Variants in KCNG2 observed in about 807,000 individuals in gnomAD.
The protein encoded by KCNG2 is voltage-gated potassium channel regulatory subunit KCNG2.
KCNG2 carries 7 observed loss-of-function variants against 12.3 expected under a neutral mutation model. The ratio of observed to expected loss-of-function variants is 0.57; its 90% CI spans 0.32 to 1.07. The LOEUF (loss-of-function observed/expected upper bound fraction) is 1.07. Among genes scored for constraint, KCNG2 ranks in the 50% least tolerant of loss-of-function variants. The pLI is 0.04. For missense variants in KCNG2, 703 were observed against 726.0 expected (o/e 0.97, Z 0.36); for synonymous variants, 414 against 351.4 (o/e 1.18, Z -1.99).
At chr18:79,828,854 CTG>C (rs902613272) in intron 1 of KCNG2, among the ~76,000 whole-genome samples, 4 of 115,536 alleles carry the variant, frequency 3.5e-5, no homozygotes, top group African/African-American at 1.5e-4. Context: ...GTGCATGTGT[CTG>C]TGTGTGGGTG....
At chr18:79,865,291 T>G (rs867101647) in intron 3 of KCNG2, among the ~76,000 whole-genome samples, 45 of 106,482 alleles carry the variant, frequency 4.2e-4, no homozygotes, top group Middle Eastern at 7.2e-3. Flanking sequence ...GAGAGGTCTG[T>G]GTGCTGAGGT....
chr18:79,899,851 C>A lies in KCNG2; in HGVS notation c.*35C>A. 7.6e-7 allele frequency: 1 copy of A among 1,308,350 alleles called. No individual in the cohort carries two copies. The highest frequency in any genetic ancestry group is 2.2e-5 in the South Asian group (1 of 45,532). 81.0% of individuals were successfully genotyped at this position (1,308,350 alleles called of 1,614,324 possible). On this transcript the variant is annotated 3_prime_UTR_variant, in exon 4 of 4. Transcript: ENST00000316249. Reference sequence around the variant, plus strand: ...CGCCCACACGGAGACCCCCTGCCCCCTCCAGCTGCAGCGTCGGGACCCCCG... The same window carrying A: ...CGCCCACACGGAGACCCCCTGCCCCATCCAGCTGCAGCGTCGGGACCCCCG...
intron 2 of KCNG2, among the ~76,000 whole-genome samples, chr18:79,859,136 T>C (rs1301234572): frequency 6.6e-6 from 1 of 152,250 alleles, no homozygotes; most frequent in African/African-American, 2.4e-5. Flanking sequence ...CAGAAACCAA[T>C]GTCTCATCCA....
At chr18:79,812,688 T>A (rs2087500586) in intron 1 of KCNG2, among the ~76,000 whole-genome samples, 1 of 151,660 alleles carries the variant, frequency 6.6e-6, no homozygotes, top group African/African-American at 2.4e-5. Context: ...TGGCAAAACC[T>A]CATCTTTACT....
intron 3 of KCNG2, among the ~76,000 whole-genome samples, chr18:79,878,340 C>T (rs1397014809): frequency 1.4e-5 from 2 of 138,438 alleles, no homozygotes; most frequent in Non-Finnish European, 3.1e-5. Context: ...CTGATGCCCA[C>T]GTGGCAGTGT....
chr18:79,824,463 G>A (rs941544524), intron 1 of KCNG2, among the ~76,000 whole-genome samples: 10 of 152,148 alleles, frequency 6.6e-5, no homozygotes, highest in African/African-American at 7.2e-5. Context: ...AAAGAGAGAC[G>A]GTTTCACCCC....
chr18:79,860,845 A>C (rs1979187697), intron 2 of KCNG2, among the ~76,000 whole-genome samples: 1 of 152,094 alleles, frequency 6.6e-6, no homozygotes. Flanking sequence ...TTTCCAGTTC[A>C]ATGTTAAGTA....
chr18:79,857,254 C>G (rs1979048721), intron 2 of KCNG2, among the ~76,000 whole-genome samples: 1 of 150,092 alleles, frequency 6.7e-6, no homozygotes, highest in Non-Finnish European at 1.5e-5. Flanking sequence ...CCACGTCCCC[C>G]CTCTTCTCAT....
intron 3 of KCNG2, among the ~76,000 whole-genome samples, chr18:79,866,664 G>A (rs1302638415): frequency 4.7e-5 from 3 of 63,576 alleles, no homozygotes; most frequent in African/African-American, 1.1e-4. Context: ...GGGTGCTGAG[G>A]TCTGGGTGCT....
At chr18:79,868,409 TAAG>T (rs1033624525) in intron 3 of KCNG2, among the ~76,000 whole-genome samples, 1 of 151,838 alleles carries the variant, frequency 6.6e-6, no homozygotes, top group African/African-American at 2.4e-5. Context: ...AGCGTCCGGT[TAAG>T]AAGCAGTCGC....
At chr18:79,875,546 G>A (rs1296891791) in intron 3 of KCNG2, among the ~76,000 whole-genome samples, 3 of 152,202 alleles carry the variant, frequency 2.0e-5, no homozygotes, top group African/African-American at 7.2e-5. Flanking sequence ...TTGTTATGGG[G>A]TCGGCCGTGA....
intron 1 of KCNG2, among the ~76,000 whole-genome samples, chr18:79,832,806 A>G (rs755376904): frequency 2.0e-5 from 3 of 152,156 alleles, no homozygotes; most frequent in Admixed American, 6.5e-5. Context: ...ACATGCTTCA[A>G]CGTGTTCTCA....
rs188864400 is a variant in KCNG2, at chr18:79,820,036, G to T, written c.-115+22022G>T. On this transcript the variant is annotated intron_variant, in intron 1 of 3. Transcript: ENST00000316249. Reference sequence around the variant, plus strand: ...CCGAGGAGGAGCTCCTTCCTTCTCCGAAGGAGGTGCGTGTCAGAACCTCCT... The same window carrying T: ...CCGAGGAGGAGCTCCTTCCTTCTCCTAAGGAGGTGCGTGTCAGAACCTCCT... Among the ~76,000 whole-genome samples, 4 of 152,320 alleles carry T rather than the reference G, an allele frequency of 2.6e-5. No individual in the cohort carries two copies. The East Asian group carries it at 7.7e-4, about 29-fold the overall frequency.
Position 79,863,841 on chromosome 18 carries a change from G to T in KCNG2, c.174G>T (p.Val58=). ...ACRGHDDLLR[V]CDDYDVSRDE... is the part of the protein sequence containing the mutation. Reference sequence around the variant, plus strand: ...GCGGCCACGACGACCTGCTGCGCGTGTGTGACGACTACGACGTGAGCCGCG... The same window carrying T: ...GCGGCCACGACGACCTGCTGCGCGTTTGTGACGACTACGACGTGAGCCGCG... The change falls in exon 3 of 4, where the codon GTG becomes GTT. Residue 58 remains valine (V), a synonymous_variant. Transcript: ENST00000316249. 1 of 1,455,846 alleles carries T rather than the reference G, an allele frequency of 6.9e-7. No homozygotes were observed. The highest frequency in any genetic ancestry group is 9.1e-7 in the Non-Finnish European group (1 of 1,100,418). 90.2% of individuals were successfully genotyped at this position (1,455,846 alleles called of 1,614,324 possible).
chr18:79,837,610 A>G (rs148790493), intron 1 of KCNG2, among the ~76,000 whole-genome samples: 88 of 152,370 alleles, frequency 5.8e-4, no homozygotes, highest in African/African-American at 1.9e-3. Context: ...TTGTGAAAGT[A>G]TAGCAAGAAT....
At chr18:79,829,532 C>T (rs1026218206) in intron 1 of KCNG2, among the ~76,000 whole-genome samples, 23 of 152,022 alleles carry the variant, frequency 1.5e-4, no homozygotes, top group African/African-American at 5.1e-4. Context: ...TGCCTCCCTA[C>T]GGCCGGTGGG....
At chr18:79,898,363 G>A (rs1981053752) in intron 3 of KCNG2, among the ~76,000 whole-genome samples, 1 of 152,186 alleles carries the variant, frequency 6.6e-6, no homozygotes, top group South Asian at 2.1e-4. Context: ...AATCACTGCA[G>A]CAAGGGCAGT....
intron 1 of KCNG2, among the ~76,000 whole-genome samples, chr18:79,811,401 A>G (rs2087493325): frequency 6.6e-6 from 1 of 152,260 alleles, no homozygotes; most frequent in African/African-American, 2.4e-5. Context: ...TACAATTGCA[A>G]TTCTAGAAAT....
chr18:79,859,835 T>C (rs1448092499), intron 2 of KCNG2, among the ~76,000 whole-genome samples: 1 of 152,234 alleles, frequency 6.6e-6, no homozygotes, highest in African/African-American at 2.4e-5. Flanking sequence ...TTTATGTCTC[T>C]CTTTACACTA....
Sources: allele counts gnomAD v4.1 joint callset (sites outside exome capture counted in the v4.1 genomes callset), GRCh38; gene constraint gnomAD v4.1.1; transcripts MANE v1.5; gene names NCBI Gene and HGNC (gene_info 2026-07-23, HGNC 2026-07-21).